The following AHI1 variants were observed in gnomAD, a reference collection of about 807,000 sequenced individuals.
The protein encoded by AHI1 is jouberin.
AHI1 carries 123 observed loss-of-function variants against 149.3 expected under a neutral mutation model. The observed-to-expected ratio is 0.82, with a 90% CI of 0.71 to 0.96. The LOEUF is 0.96. Among genes scored for constraint, AHI1 ranks in the 40% least tolerant of loss-of-function variants. The pLI is 0.00. For synonymous variants in AHI1, 475 were observed against 459.8 expected (o/e 1.03, Z -0.42); for missense variants, 1,439 against 1,422.7 (o/e 1.01, Z -0.18).
In AHI1 at chr6:135,447,144, C is replaced by T. The variant is rs35433555; in HGVS notation, c.1643G>A (p.Arg548His). 21,309 of 1,572,426 alleles carry T rather than the reference C, an allele frequency of 0.014. 187 individuals are homozygous for T. The highest frequency in any genetic ancestry group is 0.016 in the Non-Finnish European group (18,711 of 1,161,484). Residue 548 changes from arginine to histidine, a missense_variant, in exon 13 of 29, where the codon CGC (arginine) becomes CAC (histidine). Transcript: ENST00000265602. ...TTCCTCCTGAAGAGCCATCATAGAG[C>T]GGTAAGATGGCTTTATCTAAATATG... Reference protein sequence around the residue: ...KVPDCIKPSYRSMMALQEEKG... With the variant: ...KVPDCIKPSYHSMMALQEEKG...
chr6:135,496,400 G>A (rs555507467), intron 2 of AHI1, among the ~76,000 whole-genome samples: 2 of 152,262 alleles, frequency 1.3e-5, no homozygotes, highest in South Asian at 4.1e-4. Context: ...TTACAGGCGT[G>A]ACCCACTGCG....
chr6:135,307,148 G>A (rs1181187397), intron 26 of AHI1: 1 of 152,098 alleles, frequency 6.6e-6, no homozygotes, highest in Non-Finnish European at 1.5e-5. Flanking sequence ...AAATAAAAGA[G>A]TAATAAAAGC....
intron 26 of AHI1, among the ~76,000 whole-genome samples, chr6:135,315,557 C>A (rs1562485499): frequency 6.6e-6 from 1 of 152,156 alleles, no homozygotes; most frequent in Non-Finnish European, 1.5e-5. Context: ...ATTCACAACT[C>A]CAATTATATA....
intron 7 of AHI1, among the ~76,000 whole-genome samples, chr6:135,464,276 C>T (rs1355765799): frequency 6.6e-6 from 1 of 151,986 alleles, no homozygotes; most frequent in Non-Finnish European, 1.5e-5. Context: ...ATCACCAAAC[C>T]CTGTTCTTTA....
chr6:135,353,516 A>G, intron 24 of AHI1, among the ~76,000 whole-genome samples: 1 of 152,154 alleles, frequency 6.6e-6, no homozygotes, highest in East Asian at 1.9e-4. Flanking sequence ...ATTATGTTAA[A>G]ATATGAAACA....
chr6:135,350,149 AAATT>A (rs1339487747), intron 24 of AHI1, among the ~76,000 whole-genome samples: 1 of 152,188 alleles, frequency 6.6e-6, no homozygotes, highest in Non-Finnish European at 1.5e-5. Context: ...CCACAGGGCT[AAATT>A]AATTGCTATT....
chr6:135,476,492 C>G (rs1025784688), intron 5 of AHI1, among the ~76,000 whole-genome samples: 28 of 151,246 alleles, frequency 1.9e-4, no homozygotes, highest in African/African-American at 6.3e-4. Flanking sequence ...CCATAAAACT[C>G]AACTCAAATT....
chr6:135,400,662 T>G (rs1430551253), intron 22 of AHI1, among the ~76,000 whole-genome samples: 1 of 152,244 alleles, frequency 6.6e-6, no homozygotes, highest in African/African-American at 2.4e-5. Flanking sequence ...GCTAAGTCAT[T>G]CAAAGAGTTC....
chr6:135,431,674 C>T (rs1413164552), intron 16 of AHI1, among the ~76,000 whole-genome samples: 1 of 152,038 alleles, frequency 6.6e-6, no homozygotes, highest in Non-Finnish European at 1.5e-5. Flanking sequence ...CTTTATTAAC[C>T]CATAAATCTG....
intron 27 of AHI1, among the ~76,000 whole-genome samples, chr6:135,292,259 G>GT (rs1302578569): frequency 6.6e-6 from 1 of 151,966 alleles, no homozygotes; most frequent in Non-Finnish European, 1.5e-5. Flanking sequence ...TTACCCCGTC[G>GT]TGTCTATATG....
chr6:135,434,631 G>A (rs1785133176), intron 15 of AHI1, among the ~76,000 whole-genome samples: 1 of 151,824 alleles, frequency 6.6e-6, no homozygotes, highest in African/African-American at 2.4e-5. Flanking sequence ...AACTGAACTG[G>A]AATCAATGAT....
chr6:135,399,186 C>T (rs1483698232), intron 22 of AHI1, among the ~76,000 whole-genome samples: 1 of 152,080 alleles, frequency 6.6e-6, no homozygotes, highest in South Asian at 2.1e-4. Flanking sequence ...TGCTTCAAAA[C>T]GAAAAATTCT....
At chr6:135,462,628 T>C (rs1046501193) in intron 8 of AHI1, among the ~76,000 whole-genome samples, 5 of 152,178 alleles carry the variant, frequency 3.3e-5, no homozygotes, top group African/African-American at 1.2e-4. Flanking sequence ...AGGTCAGGCA[T>C]GGTGGCTCAT....
At chr6:135,382,022 G>A (rs1269226512) in intron 23 of AHI1, among the ~76,000 whole-genome samples, 2 of 152,132 alleles carry the variant, frequency 1.3e-5, no homozygotes, top group Admixed American at 6.5e-5. Context: ...CTCAAAAAAA[G>A]GATGGAAACC....
At chr6:135,439,565 G>GA (rs1785941451) in intron 14 of AHI1, among the ~76,000 whole-genome samples, 1 of 151,630 alleles carries the variant, frequency 6.6e-6, no homozygotes, top group Admixed American at 6.6e-5. Flanking sequence ...ATTTAAAAAG[G>GA]AAAGAAAAAA....
intron 23 of AHI1, among the ~76,000 whole-genome samples, chr6:135,382,926 A>AAT (rs1217996100): frequency 0.015 from 451 of 30,460 alleles, 10 homozygotes; most frequent in East Asian, 0.039. Flanking sequence ...AAAAAAAAAA[A>AAT]ATATATATAT....
At chr6:135,421,497 A>G (rs1783150543) in intron 20 of AHI1, among the ~76,000 whole-genome samples, 1 of 152,190 alleles carries the variant, frequency 6.6e-6, no homozygotes, top group Non-Finnish European at 1.5e-5. Flanking sequence ...TAATTTTACA[A>G]GCAGAACAAA....
At position 135,290,421 on chromosome 6, in the gene AHI1, A is replaced by G. The variant is rs1782194096; in HGVS notation, c.3588+2T>C. 2 of 1,508,690 alleles carry G rather than the reference A, an allele frequency of 1.3e-6. No individual in the cohort carries two copies. Among genetic ancestry groups the G allele is most frequent in the East Asian group, 4.5e-5 (2 of 44,336 alleles). 93.5% of individuals were successfully genotyped at this position (1,508,690 alleles called of 1,614,324 possible). A position where few individuals can be genotyped will look rare whatever the true frequency, so the allele number is the denominator to read the frequency against. ...GCAACTTTCTATTGGTTTTCCCCTT[A>G]CCTCTATTAGAGTGACTTTTCTGCC... On this transcript the variant is annotated splice_donor_variant, in intron 28 of 28. Transcript: ENST00000265602. LOFTEE classifies it high-confidence loss of function.
intron 23 of AHI1, among the ~76,000 whole-genome samples, chr6:135,375,265 A>G (rs75719380): frequency 0.022 from 3,407 of 152,218 alleles, 58 homozygotes; most frequent in East Asian, 0.053. Context: ...TGAAAATCAT[A>G]TAGAAGAACA....
Sources: allele counts gnomAD v4.1 joint callset (sites outside exome capture counted in the v4.1 genomes callset), GRCh38; gene constraint gnomAD v4.1.1; transcripts MANE v1.5; gene names NCBI Gene and HGNC (gene_info 2026-07-23, HGNC 2026-07-21).